Variants in ELF2 observed in about 807,000 individuals in gnomAD.
ELF2 encodes ETS-related transcription factor Elf-2.
In ELF2, 11 loss-of-function variants were observed where a neutral mutation model predicts 54.8. That is an observed-to-expected ratio of 0.20 (90% confidence interval 0.13 to 0.33). The LOEUF (loss-of-function observed/expected upper bound fraction) is 0.33, where lower values mean the gene tolerates loss of function less well. Ranked by LOEUF, ELF2 falls within the 10% of genes least tolerant of loss-of-function variation. The probability of loss-of-function intolerance (pLI) is 1.00; values close to 1 mark genes in which losing one functional copy is unlikely to be tolerated. For missense variants in ELF2, 513 were observed against 703.0 expected, an observed-to-expected ratio of 0.73 and a Z score of 3.06; for synonymous variants, 203 against 245.1, an observed-to-expected ratio of 0.83 and a Z score of 1.61.
At chr4:139,085,601 T>C (rs1353542426) in intron 4 of ELF2, among the ~76,000 whole-genome samples, 1 of 152,198 alleles carries the variant, frequency 6.6e-6, no homozygotes, top group Non-Finnish European at 1.5e-5. Flanking sequence ...TTTATTCTCT[T>C]GGTCCTTTTA....
At chr4:139,172,222 A>C (rs185347782) in intron 1 of ELF2, among the ~76,000 whole-genome samples, 2 of 152,354 alleles carry the variant, frequency 1.3e-5, no homozygotes. Context: ...ACACCTATAT[A>C]TACTGGTCAA....
At chr4:139,147,199 AT>A (rs1578922225) in intron 1 of ELF2, among the ~76,000 whole-genome samples, 1 of 152,220 alleles carries the variant, frequency 6.6e-6, no homozygotes, top group African/African-American at 2.4e-5. Context: ...AAGAAAAAAA[AT>A]AATCTCATGA....
chr4:139,074,148 A>G (rs1463341810), intron 4 of ELF2, among the ~76,000 whole-genome samples: 1 of 152,010 alleles, frequency 6.6e-6, no homozygotes, highest in Admixed American at 6.6e-5. Flanking sequence ...CAACAAAAGA[A>G]ATTACTGAGA....
chr4:139,137,557 T>C, intron 3 of ELF2, 73 bp downstream of exon 3: 2 of 1,408,756 alleles, frequency 1.4e-6, no homozygotes, highest in Non-Finnish European at 2.0e-6. Context: ...ATATGTTTCC[T>C]ATTAATTTCA....
chr4:139,117,234 C>CA (rs1735810383), intron 4 of ELF2, among the ~76,000 whole-genome samples: 1 of 152,180 alleles, frequency 6.6e-6, no homozygotes, highest in Admixed American at 6.5e-5. Flanking sequence ...AAAGATTAAT[C>CA]AGTCTGCTTG....
intron 4 of ELF2, chr4:139,084,273 C>CCGGAGACACACGCCGTGCGA: frequency 6.2e-7 from 1 of 1,604,170 alleles, no homozygotes. Flanking sequence ...GAACCCGCGG[C>CCGGAGACACACGCCGTGCGA]CGGAGACACA....
At chr4:139,113,327 C>T (rs988897462) in intron 4 of ELF2, among the ~76,000 whole-genome samples, 2 of 152,122 alleles carry the variant, frequency 1.3e-5, no homozygotes, top group African/African-American at 4.8e-5. Flanking sequence ...CACTGCACTC[C>T]AGCCTGGGTG....
In ELF2 at chr4:139,098,224, G is replaced by GAT. The variant is rs1226443838; in HGVS notation, c.239-24659_239-24658dup. On this transcript the variant is annotated intron_variant, in intron 4 of 9. Coordinates refer to ENST00000686138, the MANE Select transcript of ELF2 (RefSeq NM_001331036.3). Reference sequence around the variant, plus strand: ...ATATGCTTTTTTACACTTTGACAAAGATGTCCCACTATTTTGTAGATATGT... The same window carrying GAT: ...ATATGCTTTTTTACACTTTGACAAAGATATGTCCCACTATTTTGTAGATATGT... Among the ~76,000 whole-genome samples, 4 of 152,192 alleles carry GAT rather than the reference G, an allele frequency of 2.6e-5. No individual in the cohort carries two copies. The East Asian group carries it at 7.7e-4, about 29-fold the overall frequency.
intron 5 of ELF2, 118 bp from the exon 6 acceptor site, chr4:139,072,157 C>A: frequency 1.1e-6 from 1 of 948,348 alleles, no homozygotes; most frequent in Admixed American, 3.2e-5. Context: ...AGGATAAGAG[C>A]TTAATACTGA....
Position 139,057,628 on chromosome 4 carries a change from C to T in ELF2, c.*1355G>A, listed in dbSNP as rs998554667. 5 of 152,124 alleles carry T rather than the reference C, an allele frequency of 3.3e-5. No individual in the cohort carries two copies. Among genetic ancestry groups the T allele is most frequent in the African/African-American group, 9.7e-5 (4 of 41,432 alleles). 9.4% of individuals were successfully genotyped at this position (152,124 alleles called of 1,614,324 possible). ...TTTACAAATATAAATTCTTTAAGTGCAGCCAACTAAAATACTAAATTCATT... is the reference window on the plus strand; with the variant it reads ...TTTACAAATATAAATTCTTTAAGTGTAGCCAACTAAAATACTAAATTCATT... On this transcript the variant is annotated 3_prime_UTR_variant, in exon 10 of 10. Transcript: ENST00000686138.
At chr4:139,164,504 G>A (rs2148906590) in intron 1 of ELF2, among the ~76,000 whole-genome samples, 1 of 152,214 alleles carries the variant, frequency 6.6e-6, no homozygotes, top group Admixed American at 6.5e-5. Flanking sequence ...GGGCGTGGTG[G>A]CATGCACCTG....
intron 3 of ELF2, among the ~76,000 whole-genome samples, chr4:139,128,029 G>C (rs1314088924): frequency 6.6e-6 from 1 of 151,740 alleles, no homozygotes; most frequent in Non-Finnish European, 1.5e-5. Flanking sequence ...CAAAACTTTG[G>C]GAGGCCAAGG....
intron 1 of ELF2, among the ~76,000 whole-genome samples, chr4:139,161,366 G>A (rs10010207): frequency 0.23 from 34,571 of 152,016 alleles, 4,133 homozygotes; most frequent in Non-Finnish European, 0.25. Flanking sequence ...GTTTTAGGGT[G>A]TCATGATTGA....
At chr4:139,066,735 A>C (rs1728766212) in intron 7 of ELF2, 3 of 151,962 alleles carry the variant, frequency 2.0e-5, no homozygotes, top group African/African-American at 7.2e-5. Flanking sequence ...TAAAAAAAAA[A>C]AAAACAAATT....
intron 1 of ELF2, among the ~76,000 whole-genome samples, chr4:139,141,699 C>T (rs750750641): frequency 2.0e-5 from 3 of 152,188 alleles, no homozygotes; most frequent in Non-Finnish European, 4.4e-5. Context: ...CTTTAAAGCA[C>T]AGGTCTTTTG....
intron 1 of ELF2, among the ~76,000 whole-genome samples, chr4:139,172,326 T>C (rs1392780229): frequency 1.3e-5 from 2 of 152,202 alleles, no homozygotes; most frequent in Admixed American, 1.3e-4. Context: ...AAATGATAAA[T>C]GGAAAATTTC....
intron 3 of ELF2, among the ~76,000 whole-genome samples, chr4:139,132,841 C>CAT (rs58765596): frequency 0.085 from 9,736 of 114,518 alleles, 340 homozygotes; most frequent in East Asian, 0.1. Context: ...TATTACTTTA[C>CAT]ATATATATAT....
chr4:139,061,803 C>A, intron 8 of ELF2, 62 bp downstream of exon 8: 1 of 1,576,378 alleles, frequency 6.3e-7, no homozygotes, highest in South Asian at 1.2e-5. Context: ...CTTTAAACAG[C>A]TAATAGACAT....
At chr4:139,072,168 A>G (rs1402861468) in intron 5 of ELF2, 129 bp from the exon 6 acceptor site, 2 of 849,028 alleles carry the variant, frequency 2.4e-6, no homozygotes, top group Non-Finnish European at 3.6e-6. Context: ...TTAATACTGA[A>G]GAAGTTAATT....
Sources: gnomAD v4.1 joint callset for allele counts (sites outside exome capture counted in the v4.1 genomes callset) on GRCh38, gnomAD v4.1.1 for gene constraint, MANE v1.5 for transcripts, NCBI Gene and HGNC (gene_info 2026-07-23, HGNC 2026-07-21) for gene names.